Variants in RPS20 observed in about 807,000 individuals in gnomAD.
The protein encoded by RPS20 is ribosomal protein S20.
A neutral mutation model predicts 15.3 loss-of-function variants in RPS20; 3 were observed. That is an observed-to-expected ratio of 0.20 (90% CI 0.09 to 0.51). The LOEUF (loss-of-function observed/expected upper bound fraction) is 0.51. Ranked by LOEUF, RPS20 falls within the 20% of genes least tolerant of loss-of-function variation. The pLI, the probability that RPS20 is intolerant of heterozygous loss-of-function variation, is 0.96. For synonymous variants in RPS20, 62 were observed against 47.8 expected (o/e 1.30, Z -1.23); for missense variants, 67 against 145.9 (o/e 0.46, Z 2.79).
chr8:56,072,894 T>C (rs1480963817), downstream of RPS20: 14 of 1,330,628 alleles, frequency 1.1e-5, no homozygotes, highest in African/African-American at 1.5e-5. Flanking sequence ...TCACATATTA[T>C]GTAGTTAACG....
At position 56,073,150 on chromosome 8, in the gene RPS20, C is replaced by T. The variant is rs371589912; in HGVS notation, c.300G>A (p.Gln100=). ...CTGGCTCAATACTGATGGAAGTAATCTGCTTAACAATCTCAGAAGGACTGT... is the reference window on the plus strand; with the variant it reads ...CTGGCTCAATACTGATGGAAGTAATTTGCTTAACAATCTCAGAAGGACTGT... ...DLHSPSEIVK[Q]ITSISIEPGV... The change falls in exon 4 of 4, where the codon CAG becomes CAA. Residue 100 remains glutamine (Q), a synonymous_variant. Coordinates refer to ENST00000009589, the MANE Select transcript of RPS20 (RefSeq NM_001023.4). 3.1e-6 allele frequency: 5 copies of T among 1,598,438 alleles called. No individual in the cohort carries two copies. The highest frequency in any genetic ancestry group is 1.1e-5 in the South Asian group (1 of 91,034).
downstream of RPS20, among the ~76,000 whole-genome samples, chr8:56,069,354 T>A (rs998847323): frequency 4.6e-5 from 7 of 152,056 alleles, no homozygotes; most frequent in African/African-American, 1.7e-4. Flanking sequence ...CAATCCACTA[T>A]ACTCGACAAT....
chr8:56,072,308 T>C (rs891675646), downstream of RPS20, among the ~76,000 whole-genome samples: 23 of 151,964 alleles, frequency 1.5e-4, no homozygotes, highest in African/African-American at 4.6e-4. Flanking sequence ...TCCCAGCACT[T>C]TGGGAGGCTG....
downstream of RPS20, chr8:56,072,986 T>C: frequency 6.8e-7 from 1 of 1,477,080 alleles, no homozygotes; most frequent in Non-Finnish European, 8.9e-7. Context: ...ACCTGAAAAG[T>C]GGAAGTCTCA....
In RPS20 at chr8:56,074,042, C is replaced by T. The variant is rs1338766548; in HGVS notation, c.103+18G>A. ...TTCGCCCAATTCCCCCTCCCCCCCGCATAACGAATGCACTGACCCTTTTCC... is the reference window on the plus strand; with the variant it reads ...TTCGCCCAATTCCCCCTCCCCCCCGTATAACGAATGCACTGACCCTTTTCC... On this transcript the variant is annotated intron_variant, in intron 2 of 3. Transcript: ENST00000009589. The T allele has an allele frequency of 1.9e-6, 3 of 1,594,178 alleles. No homozygotes were observed. Among genetic ancestry groups the T allele is most frequent in the South Asian group, 2.2e-5 (2 of 90,700 alleles).
At chr8:56,068,781 T>C (rs1456758766), downstream of RPS20, among the ~76,000 whole-genome samples, 1 of 143,256 alleles carries the variant, frequency 7.0e-6, no homozygotes, top group East Asian at 2.1e-4. Flanking sequence ...AAATTAAAAA[T>C]TTCCATATTC....
downstream of RPS20, among the ~76,000 whole-genome samples, chr8:56,069,476 T>A (rs1809695485): frequency 6.6e-6 from 1 of 152,142 alleles, no homozygotes; most frequent in Non-Finnish European, 1.5e-5. Flanking sequence ...TTTTTGTATT[T>A]TTAGTAGAGG....
intron 2 of RPS20, 21 bp from the exon 3 acceptor site, chr8:56,073,789 C>T: frequency 6.2e-7 from 1 of 1,609,202 alleles, no homozygotes; most frequent in Non-Finnish European, 8.5e-7. Flanking sequence ...TAAAAGACCT[C>T]TCAGTATAAT....
At chr8:56,072,640 A>C (rs1809797845), downstream of RPS20, among the ~76,000 whole-genome samples, 1 of 152,112 alleles carries the variant, frequency 6.6e-6, no homozygotes, top group African/African-American at 2.4e-5. Flanking sequence ...TTAGTTCCTA[A>C]AACCCTAAAA....
downstream of RPS20, chr8:56,068,633 AAG>A (rs1434280955): frequency 6.6e-6 from 1 of 151,638 alleles, no homozygotes; most frequent in African/African-American, 2.4e-5. Context: ...TCCCAGAAAG[AAG>A]AGAGACAAAT....
chr8:56,068,647 G>C (rs1200820539), downstream of RPS20: 1 of 151,482 alleles, frequency 6.6e-6, no homozygotes, highest in Non-Finnish European at 1.5e-5. Context: ...GAGACAAATG[G>C]AGGGTAGGGC....
At chr8:56,074,187 A>G (rs770915956) in intron 1 of RPS20, 28 bp from the exon 2 acceptor site, 18 of 1,590,116 alleles carry the variant, frequency 1.1e-5, no homozygotes, top group South Asian at 3.3e-5. Context: ...AAAAAGAACA[A>G]TAAGCCAAAA....
intron 1 of RPS20, 94 bp downstream of exon 1, chr8:56,074,287 C>T: frequency 6.5e-7 from 1 of 1,536,606 alleles, no homozygotes; most frequent in Non-Finnish European, 8.8e-7. Flanking sequence ...CCTACACGCC[C>T]CGGCATCTGC....
At chr8:56,072,942 C>A, downstream of RPS20, 1 of 1,390,028 alleles carries the variant, frequency 7.2e-7, no homozygotes. Flanking sequence ...ACAACGAAAA[C>A]AGGATAGACC....
downstream of RPS20, among the ~76,000 whole-genome samples, chr8:56,068,804 T>C (rs1400028670): frequency 1.9e-5 from 2 of 105,246 alleles, no homozygotes; most frequent in Non-Finnish European, 4.0e-5. Context: ...TTGGTGAAAA[T>C]ATCTTTTTTT....
chr8:56,073,667 T>C (rs1370294397), intron 3 of RPS20, 28 bp downstream of exon 3: 1 of 1,594,132 alleles, frequency 6.3e-7, no homozygotes, highest in South Asian at 1.1e-5. Context: ...AAGCAACTCC[T>C]ACTTCCTGCC....
At chr8:56,070,560 A>AC (rs1301207789), downstream of RPS20, among the ~76,000 whole-genome samples, 3 of 151,504 alleles carry the variant, frequency 2.0e-5, no homozygotes, top group African/African-American at 7.3e-5. Flanking sequence ...ACATGGCAAG[A>AC]CCCCATCTCC....
At chr8:56,072,743 G>A (rs568693547), downstream of RPS20, 24 of 317,680 alleles carry the variant, frequency 7.6e-5, no homozygotes, top group Middle Eastern at 1.5e-3. Context: ...TTTTTAACAC[G>A]TGCCTACTAG....
At chr8:56,070,608 G>A (rs1809725207), downstream of RPS20, among the ~76,000 whole-genome samples, 1 of 152,046 alleles carries the variant, frequency 6.6e-6, no homozygotes, top group Non-Finnish European at 1.5e-5. Flanking sequence ...GTGTGAGCCT[G>A]TAGTCCCAGC....
Sources: gnomAD v4.1 joint callset for allele counts (sites outside exome capture counted in the v4.1 genomes callset) on GRCh38, gnomAD v4.1.1 for gene constraint, MANE v1.5 for transcripts, NCBI Gene and HGNC (gene_info 2026-07-23, HGNC 2026-07-21) for gene names.